The following CFAP97 variants were observed in gnomAD, a reference collection of about 807,000 sequenced individuals.
CFAP97 encodes cilia and flagella associated protein 97.
Under a neutral mutation model 43.1 loss-of-function variants are expected in CFAP97, and 36 were observed. That is an observed-to-expected ratio of 0.84 (90% CI 0.64 to 1.10). The LOEUF (loss-of-function observed/expected upper bound fraction) is 1.10. CFAP97 is among the 50% of genes least tolerant of loss of function. CFAP97 has a pLI of 0.00. For missense variants in CFAP97, 657 were observed against 620.3 expected (o/e 1.06, Z -0.63); for synonymous variants, 228 against 225.7 (o/e 1.01, Z -0.09).
chr4:185,203,282 G>C (rs1237899658), intron 1 of CFAP97, among the ~76,000 whole-genome samples: 2 of 152,200 alleles, frequency 1.3e-5, no homozygotes, highest in African/African-American at 2.4e-5. Context: ...CACTTGCCAG[G>C]TCCTACAGAC....
At chr4:185,197,875 T>C (rs865930934) in intron 1 of CFAP97, among the ~76,000 whole-genome samples, 1 of 152,156 alleles carries the variant, frequency 6.6e-6, no homozygotes, top group Non-Finnish European at 1.5e-5. Flanking sequence ...CTTGCACCAG[T>C]TAGCCAAGTT....
intron 1 of CFAP97, among the ~76,000 whole-genome samples, chr4:185,198,000 A>C (rs1215696119): frequency 6.6e-6 from 1 of 152,196 alleles, no homozygotes; most frequent in Non-Finnish European, 1.5e-5. Context: ...AATGGTCTGG[A>C]TACACCAAGC....
chr4:185,188,233 CTA>C (rs1378445711), intron 2 of CFAP97, among the ~76,000 whole-genome samples: 3 of 152,008 alleles, frequency 2.0e-5, no homozygotes, highest in Non-Finnish European at 4.4e-5. Context: ...CAGGGTTTCA[CTA>C]TGTTGCCTAG....
rs1286161808 is a variant in CFAP97, at chr4:185,190,800, T to C, written c.397A>G (p.Thr133Ala). 5 of 1,607,428 alleles carry C rather than the reference T, an allele frequency of 3.1e-6. 1 individual carries two copies. Among genetic ancestry groups the C allele is most frequent in the South Asian group, 2.2e-5 (2 of 90,020 alleles). Residue 133 changes from threonine to alanine, a missense_variant, in exon 2 of 5, where the codon ACA (threonine) becomes GCA (alanine). By Grantham distance (58) the Thr-to-Ala change is moderately conservative (BLOSUM62 0). Coordinates refer to ENST00000458385, the MANE Select transcript of CFAP97 (RefSeq NM_020827.3). Reference protein sequence around the residue: ...IVKEGEDDYYTDGEESSDDGK... With the variant: ...IVKEGEDDYYADGEESSDDGK... ...TCATCACTGCTTTCCTCTCCATCTG[T>C]GTAGTAATCATCTTCACCTTCTTTT... is the stretch of plus-strand genomic sequence containing the variant.
intron 1 of CFAP97, among the ~76,000 whole-genome samples, chr4:185,198,874 G>T (rs148664155): frequency 1.0e-3 from 152 of 152,234 alleles, no homozygotes; most frequent in African/African-American, 3.5e-3. Flanking sequence ...ATTGCTGAAT[G>T]TGACTACAAT....
intron 1 of CFAP97, among the ~76,000 whole-genome samples, chr4:185,198,900 A>G (rs1187701708): frequency 1.3e-5 from 2 of 152,244 alleles, no homozygotes; most frequent in African/African-American, 2.4e-5. Flanking sequence ...TCAGATTTCC[A>G]GTGCAGACGA....
chr4:185,165,254 A>G (rs866962992), intron 3 of CFAP97, among the ~76,000 whole-genome samples: 10 of 152,172 alleles, frequency 6.6e-5, no homozygotes, highest in African/African-American at 2.4e-4. Context: ...GGAGTTCCAG[A>G]CCAGCCTGGA....
rs940908157 is a variant in CFAP97 at position 185,160,417 on chromosome 4, T to A, written c.*2381A>T. ...TGCCAGACCATCCTTTACTTTTTCA[T>A]GTCCTTGAAATGAGAAGAGTAATGT... is the stretch of plus-strand genomic sequence containing the variant. On this transcript the variant is annotated 3_prime_UTR_variant, in exon 5 of 5. Coordinates refer to ENST00000458385, the MANE Select transcript of CFAP97 (RefSeq NM_020827.3). The A allele has an allele frequency of 9.0e-6, 1 of 111,176 alleles. No individual in the cohort carries two copies. Among genetic ancestry groups the A allele is most frequent in the Non-Finnish European group, 1.9e-5 (1 of 53,348 alleles). The allele number at this position is 111,176 out of a possible 1,614,324, so 6.9% of individuals were successfully genotyped here.
chr4:185,164,288 A>G, intron 3 of CFAP97, 109 bp from the exon 4 acceptor site: 1 of 1,091,470 alleles, frequency 9.2e-7, no homozygotes. Flanking sequence ...TTTTTTTAAG[A>G]GACAAGATCT....
intron 3 of CFAP97, among the ~76,000 whole-genome samples, chr4:185,164,719 A>C (rs1484494107): frequency 6.6e-6 from 1 of 152,242 alleles, no homozygotes; most frequent in African/African-American, 2.4e-5. Flanking sequence ...AGGTTAGACA[A>C]GCTTGCTAGA....
At chr4:185,186,146 T>C (rs1010360293) in intron 2 of CFAP97, among the ~76,000 whole-genome samples, 22 of 152,262 alleles carry the variant, frequency 1.4e-4, no homozygotes, top group African/African-American at 5.3e-4. Flanking sequence ...AAACTATTAC[T>C]TGTGGGCCAG....
At chr4:185,176,969 TA>T (rs1735574611) in intron 2 of CFAP97, among the ~76,000 whole-genome samples, 1 of 152,216 alleles carries the variant, frequency 6.6e-6, no homozygotes, top group Non-Finnish European at 1.5e-5. Flanking sequence ...CTAGCAACAA[TA>T]TTTTGCATAC....
intron 3 of CFAP97, among the ~76,000 whole-genome samples, chr4:185,168,016 A>G (rs1284360768): frequency 6.6e-6 from 1 of 151,726 alleles, no homozygotes; most frequent in Non-Finnish European, 1.5e-5. Context: ...AAAAAAAAAA[A>G]AAAGAACTTA....
intron 1 of CFAP97, among the ~76,000 whole-genome samples, chr4:185,200,803 G>T (rs1418419327): frequency 1.3e-5 from 2 of 152,072 alleles, no homozygotes; most frequent in African/African-American, 4.8e-5. Flanking sequence ...GAAAAAATAA[G>T]TGGTGCCTCA....
intron 3 of CFAP97, chr4:185,170,043 A>G: frequency 8.5e-7 from 1 of 1,179,126 alleles, no homozygotes; most frequent in Non-Finnish European, 1.0e-6. Flanking sequence ...ATTCCACATA[A>G]GAGTTCTGAA....
At chr4:185,198,555 C>T (rs921243651) in intron 1 of CFAP97, among the ~76,000 whole-genome samples, 15 of 150,958 alleles carry the variant, frequency 9.9e-5, no homozygotes, top group African/African-American at 3.4e-4. Context: ...TTTGGGAGGC[C>T]GAGATGGGCA....
Position 185,190,383 on chromosome 4 carries a change from C to A in CFAP97, c.814G>T (p.Gly272Cys). 6.2e-7 allele frequency: 1 copy of A among 1,611,196 alleles called. No homozygotes were observed. Among genetic ancestry groups the A allele is most frequent in the East Asian group, 2.2e-5 (1 of 44,864 alleles). Residue 272 changes from glycine to cysteine, a missense_variant, in exon 2 of 5, where the codon GGC (glycine) becomes TGC (cysteine). By Grantham distance (159) the Gly-to-Cys change is radical. Coordinates refer to ENST00000458385, the MANE Select transcript of CFAP97 (RefSeq NM_020827.3). ...DISPLQSFEL[G>C]IANDQKVKIK... ...TTCACTTTTTGATCATTTGCTATGC[C>A]CAGTTCAAAAGACTGAAGAGGGCTA...
chr4:185,207,469 C>T (rs567500951), upstream of CFAP97, among the ~76,000 whole-genome samples: 3 of 152,192 alleles, frequency 2.0e-5, no homozygotes, highest in South Asian at 2.1e-4. Context: ...CCAGCCACCT[C>T]GGCTTCCCAA....
chr4:185,185,889 G>A (rs940009521), intron 2 of CFAP97, among the ~76,000 whole-genome samples: 1 of 151,992 alleles, frequency 6.6e-6, no homozygotes, highest in Non-Finnish European at 1.5e-5. Context: ...ATCTGCCTAC[G>A]TCTGCCTCCC....
Sources: gnomAD v4.1 joint callset for allele counts (sites outside exome capture counted in the v4.1 genomes callset) on GRCh38, gnomAD v4.1.1 for gene constraint, MANE v1.5 for transcripts, NCBI Gene and HGNC (gene_info 2026-07-23, HGNC 2026-07-21) for gene names.